The following ME1 variants were observed in gnomAD, a reference collection of about 807,000 sequenced individuals.
ME1 encodes the protein malic enzyme 1.
Under a neutral mutation model 66.4 loss-of-function variants are expected in ME1, and 74 were observed. The ratio of observed to expected loss-of-function variants is 1.11; its 90% CI spans 0.92 to 1.35. The LOEUF is 1.35. ME1 is among the 40% of genes most tolerant of loss of function. The pLI is 0.00. For missense variants in ME1, 750 were observed against 694.1 expected, an observed-to-expected ratio of 1.08 and a Z score of -0.90; for synonymous variants, 251 against 235.6, an observed-to-expected ratio of 1.07 and a Z score of -0.60.
At chr6:83,288,875 C>G (rs1446637764) in intron 6 of ME1, among the ~76,000 whole-genome samples, 1 of 152,092 alleles carries the variant, frequency 6.6e-6, no homozygotes, top group Non-Finnish European at 1.5e-5. Flanking sequence ...CTTCACGTCC[C>G]TTGTAAGTTG....
At chr6:83,412,009 C>T (rs1770057113) in intron 1 of ME1, among the ~76,000 whole-genome samples, 1 of 152,056 alleles carries the variant, frequency 6.6e-6, no homozygotes, top group African/African-American at 2.4e-5. Context: ...CTGAGACTGT[C>T]AAGCAGAAAT....
At chr6:83,287,597 A>G (rs922480509) in intron 6 of ME1, among the ~76,000 whole-genome samples, 1 of 152,212 alleles carries the variant, frequency 6.6e-6, no homozygotes, top group African/African-American at 2.4e-5. Flanking sequence ...CATTGTGAAT[A>G]GTGCAGCAAT....
At chr6:83,324,716 C>CAAAAAA (rs55866196) in intron 5 of ME1, among the ~76,000 whole-genome samples, 72 of 49,252 alleles carry the variant, frequency 1.5e-3, no homozygotes, top group African/African-American at 1.9e-3. Context: ...GCCTACCAAC[C>CAAAAAA]AAAAAAAAAA....
At chr6:83,366,631 A>G (rs1769105466) in intron 3 of ME1, among the ~76,000 whole-genome samples, 1 of 152,214 alleles carries the variant, frequency 6.6e-6, no homozygotes, top group Non-Finnish European at 1.5e-5. Context: ...GAGGAGCTAT[A>G]CGATCAATAC....
chr6:83,398,589 T>TA, intron 2 of ME1, 73 bp from the exon 3 acceptor site: 1 of 756,232 alleles, frequency 1.3e-6, no homozygotes, highest in Non-Finnish European at 2.1e-6. Context: ...TCTAATTAAA[T>TA]ATTTTCAACC....
At chr6:83,371,077 A>T (rs550407448) in intron 3 of ME1, among the ~76,000 whole-genome samples, 31 of 152,304 alleles carry the variant, frequency 2.0e-4, no homozygotes, top group African/African-American at 6.7e-4. Flanking sequence ...ATCTTTAGGT[A>T]ATCTCTATCA....
intron 5 of ME1, among the ~76,000 whole-genome samples, chr6:83,329,168 A>T (rs1188655645): frequency 6.6e-6 from 1 of 152,178 alleles, no homozygotes; most frequent in Admixed American, 6.6e-5. Flanking sequence ...ATATTTGTTT[A>T]TCAGAAATGT....
At chr6:83,414,094 G>A (rs1243416846) in intron 1 of ME1, among the ~76,000 whole-genome samples, 2 of 131,304 alleles carry the variant, frequency 1.5e-5, no homozygotes, top group African/African-American at 5.9e-5. Context: ...CTGGGTGACA[G>A]AGCAAGACCC....
At chr6:83,306,802 C>T (rs1263610572) in intron 6 of ME1, among the ~76,000 whole-genome samples, 1 of 151,954 alleles carries the variant, frequency 6.6e-6, no homozygotes, top group East Asian at 1.9e-4. Flanking sequence ...CTTGATAATA[C>T]AGTACTTTTT....
chr6:83,326,963 C>T (rs918742669), intron 5 of ME1, among the ~76,000 whole-genome samples: 2 of 152,160 alleles, frequency 1.3e-5, no homozygotes, highest in East Asian at 1.9e-4. Context: ...GACAGAAGAA[C>T]GTGGATTGTG....
At chr6:83,355,215 C>T (rs1583397590) in intron 3 of ME1, among the ~76,000 whole-genome samples, 1 of 152,042 alleles carries the variant, frequency 6.6e-6, no homozygotes, top group East Asian at 1.9e-4. Context: ...AAAGAAGGCA[C>T]TTTTGTTGAA....
At chr6:83,333,569 T>G (rs1364852936) in intron 5 of ME1, among the ~76,000 whole-genome samples, 2 of 152,210 alleles carry the variant, frequency 1.3e-5, no homozygotes, top group African/African-American at 4.8e-5. Context: ...AAATTTAGAT[T>G]AGGATGTTTT....
intron 6 of ME1, among the ~76,000 whole-genome samples, chr6:83,259,296 G>A (rs1351260618): frequency 2.0e-5 from 3 of 152,090 alleles, no homozygotes; most frequent in Admixed American, 6.6e-5. Context: ...TCTTGCCCTG[G>A]AAATGCTCAC....
chr6:83,415,276 T>C (rs1314160501), intron 1 of ME1, among the ~76,000 whole-genome samples: 1 of 152,190 alleles, frequency 6.6e-6, no homozygotes, highest in East Asian at 1.9e-4. Flanking sequence ...TAATTACCAA[T>C]TAATTTACAC....
intron 3 of ME1, among the ~76,000 whole-genome samples, chr6:83,377,064 A>C (rs1221161101): frequency 6.6e-6 from 1 of 152,204 alleles, no homozygotes; most frequent in African/African-American, 2.4e-5. Context: ...ATCAAAACTA[A>C]TATTTTAATT....
chr6:83,382,690 T>C (rs1041326518), intron 3 of ME1, among the ~76,000 whole-genome samples: 12 of 151,996 alleles, frequency 7.9e-5, no homozygotes, highest in Admixed American at 3.9e-4. Flanking sequence ...TCAGAACACA[T>C]ATTAATCAAT....
intron 1 of ME1, among the ~76,000 whole-genome samples, chr6:83,414,556 G>A (rs1770123397): frequency 6.6e-6 from 1 of 151,922 alleles, no homozygotes. Flanking sequence ...TATGAATATA[G>A]GATATAAGCA....
chr6:83,370,052 T>G (rs1275805687), intron 3 of ME1, among the ~76,000 whole-genome samples: 5 of 152,150 alleles, frequency 3.3e-5, no homozygotes, highest in Admixed American at 3.3e-4. Flanking sequence ...GCAAAGAGTT[T>G]AAGAATCTAC....
chr6:83,331,142 G>C (rs1314580193), intron 5 of ME1, among the ~76,000 whole-genome samples: 1 of 152,166 alleles, frequency 6.6e-6, no homozygotes, highest in Non-Finnish European at 1.5e-5. Flanking sequence ...CATGTGCTAT[G>C]GGTTGAAAGG....
Sources: gnomAD v4.1 joint callset for allele counts (sites outside exome capture counted in the v4.1 genomes callset) on GRCh38, gnomAD v4.1.1 for gene constraint, MANE v1.5 for transcripts, NCBI Gene and HGNC (gene_info 2026-07-23, HGNC 2026-07-21) for gene names.